Variants in UHRF2 observed in about 807,000 individuals in gnomAD.
UHRF2 encodes E3 ubiquitin-protein ligase UHRF2.
Under a neutral mutation model 96.8 loss-of-function variants are expected in UHRF2, and 23 were observed. The observed-to-expected ratio is 0.24, with a 90% confidence interval of 0.17 to 0.34. The LOEUF (loss-of-function observed/expected upper bound fraction) is 0.34, where lower values mean the gene tolerates loss of function less well. UHRF2 is among the 10% of genes least tolerant of loss of function. The pLI is 1.00. For missense variants in UHRF2, 685 were observed against 981.5 expected (o/e 0.70, Z 4.04); for synonymous variants, 385 against 332.6 (o/e 1.16, Z -1.72).
At chr9:6,446,080 C>G (rs544142488) in intron 3 of UHRF2, among the ~76,000 whole-genome samples, 1 of 146,374 alleles carries the variant, frequency 6.8e-6, no homozygotes. Context: ...GCTGCCTTGA[C>G]TTCCCTGGCT....
chr9:6,493,329 A>G (rs1196054657), intron 9 of UHRF2, among the ~76,000 whole-genome samples: 2 of 152,112 alleles, frequency 1.3e-5, no homozygotes, highest in Non-Finnish European at 2.9e-5. Flanking sequence ...GTTTTTAGGT[A>G]AATTTGCTTT....
At chr9:6,430,615 A>G (rs1239291607) in intron 2 of UHRF2, among the ~76,000 whole-genome samples, 1 of 151,966 alleles carries the variant, frequency 6.6e-6, no homozygotes, top group Non-Finnish European at 1.5e-5. Context: ...TCCCTTATCT[A>G]ACTCTTAAAC....
chr9:6,461,833 T>A (rs1390085703), intron 4 of UHRF2, among the ~76,000 whole-genome samples: 1 of 152,204 alleles, frequency 6.6e-6, no homozygotes, highest in African/African-American at 2.4e-5. Context: ...AATTTCCTTT[T>A]TAATAAATAA....
intron 3 of UHRF2, among the ~76,000 whole-genome samples, chr9:6,451,198 GA>G (rs1226782023): frequency 6.7e-4 from 102 of 152,158 alleles, no homozygotes; most frequent in Non-Finnish European, 5.9e-5. Flanking sequence ...TTGTCTTTAG[GA>G]AATATATCAT....
At chr9:6,500,476 C>T in intron 13 of UHRF2, 76 bp from the exon 14 acceptor site, 2 of 1,251,356 alleles carry the variant, frequency 1.6e-6, no homozygotes, top group Non-Finnish European at 2.2e-6. Context: ...TTACTTGTGC[C>T]AGTTAACTCT....
chr9:6,463,932 T>C (rs771754443), intron 4 of UHRF2, among the ~76,000 whole-genome samples: 14 of 152,204 alleles, frequency 9.2e-5, no homozygotes, highest in Non-Finnish European at 1.6e-4. Context: ...ACCTGTATCC[T>C]GGCACTTGTG....
chr9:6,475,341 T>C (rs1823502976), intron 4 of UHRF2, 50 bp from the exon 5 acceptor site: 2 of 1,156,656 alleles, frequency 1.7e-6, no homozygotes, highest in Non-Finnish European at 2.4e-6. Flanking sequence ...TATTTGTATA[T>C]ACCTTAGATT....
chr9:6,428,523 A>ATTGCTT (rs1820382395), intron 2 of UHRF2, among the ~76,000 whole-genome samples: 3 of 96,492 alleles, frequency 3.1e-5, no homozygotes, highest in Non-Finnish European at 4.3e-5. Flanking sequence ...ATGGAACCAT[A>ATTGCTT]TTGCTTTTGC....
rs143451187 is a variant in UHRF2 at position 6,479,045 on chromosome 9, G to A, written c.1160+1237G>A. ...CTTCTTCAGTTAATTCCTCTCCCAC[G>A]TTGCCATTACTAGATCATTCTCATT... On this transcript the variant is annotated intron_variant, in intron 6 of 15. Transcript: ENST00000276893. Among the ~76,000 whole-genome samples the A allele has an allele frequency of 3.8e-4, 57 of 151,416 alleles. No homozygotes were observed. The East Asian group carries it at 0.011, about 28-fold the overall frequency.
intron 4 of UHRF2, among the ~76,000 whole-genome samples, chr9:6,464,780 G>A (rs1055936469): frequency 6.6e-6 from 1 of 151,848 alleles, no homozygotes; most frequent in African/African-American, 2.4e-5. Flanking sequence ...GTGTATCTTT[G>A]TATCAGTTCC....
chr9:6,445,966 T>G (rs1174129144), intron 3 of UHRF2, among the ~76,000 whole-genome samples: 1 of 112,652 alleles, frequency 8.9e-6, no homozygotes, highest in South Asian at 3.1e-4. Flanking sequence ...TAAATACTCT[T>G]CCCCCCCCGC....
intron 3 of UHRF2, 31 bp downstream of exon 3, chr9:6,434,204 C>T (rs1820705501): frequency 6.4e-7 from 1 of 1,568,856 alleles, no homozygotes; most frequent in Non-Finnish European, 8.6e-7. Context: ...GGACTTTATT[C>T]ATATTTTCAT....
At chr9:6,435,306 T>C (rs536190392) in intron 3 of UHRF2, among the ~76,000 whole-genome samples, 1 of 152,158 alleles carries the variant, frequency 6.6e-6, no homozygotes, top group Admixed American at 6.5e-5. Context: ...CTAATTTTTT[T>C]GTAGAGATGT....
intron 9 of UHRF2, 57 bp from the exon 10 acceptor site, chr9:6,493,769 A>C: frequency 7.0e-7 from 1 of 1,429,032 alleles, no homozygotes; most frequent in Non-Finnish European, 9.7e-7. Flanking sequence ...TGAAATAAGA[A>C]TTGATGAAAT....
chr9:6,418,299 C>T (rs2130711564), intron 1 of UHRF2, among the ~76,000 whole-genome samples: 1 of 150,612 alleles, frequency 6.6e-6, no homozygotes, highest in Middle Eastern at 3.4e-3. Flanking sequence ...AGCAATATTC[C>T]CATCCCTATC....
Position 6,480,061 on chromosome 9 carries a change from C to T in UHRF2, c.1161-1582C>T, listed in dbSNP as rs1823832625. 2.0e-5 allele frequency among the ~76,000 whole-genome samples: 3 copies of T among 152,154 alleles called. No homozygotes were observed. The East Asian group carries it at 5.8e-4, about 29-fold the overall frequency. On this transcript the variant is annotated intron_variant, in intron 6 of 15. Coordinates refer to ENST00000276893, the MANE Select transcript of UHRF2 (RefSeq NM_152896.3). Reference sequence around the variant, plus strand: ...AATCTAAGCCCTTACCATTTATGACCTGGTCCATATCTACTCTCTAACTTC... The same window carrying T: ...AATCTAAGCCCTTACCATTTATGACTTGGTCCATATCTACTCTCTAACTTC...
intron 3 of UHRF2, among the ~76,000 whole-genome samples, chr9:6,442,596 C>T (rs751781201): frequency 6.6e-6 from 1 of 151,900 alleles, no homozygotes; most frequent in African/African-American, 2.4e-5. Flanking sequence ...CTCCTGCCTC[C>T]GCCTCTCATG....
intron 4 of UHRF2, among the ~76,000 whole-genome samples, chr9:6,469,749 C>A (rs574756673): frequency 4.6e-4 from 61 of 133,372 alleles, no homozygotes; most frequent in Non-Finnish European, 8.2e-4. Flanking sequence ...TATATATACA[C>A]GTATATATAC....
chr9:6,485,803 CAA>C (rs57868028), intron 8 of UHRF2, among the ~76,000 whole-genome samples: 7 of 59,188 alleles, frequency 1.2e-4, no homozygotes, highest in Admixed American at 2.7e-4. Context: ...TGTCTCTACC[CAA>C]AAAAAAAAAA....
Sources: gnomAD v4.1 joint callset for allele counts (sites outside exome capture counted in the v4.1 genomes callset) on GRCh38, gnomAD v4.1.1 for gene constraint, MANE v1.5 for transcripts, NCBI Gene and HGNC (gene_info 2026-07-23, HGNC 2026-07-21) for gene names.